TMEM117: variants seen among roughly 807,000 people sequenced by gnomAD.
TMEM117 encodes transmembrane protein 117.
In TMEM117, 27 loss-of-function variants were observed where a neutral mutation model predicts 52.4. That is an observed-to-expected ratio of 0.51 (90% CI 0.38 to 0.71). TMEM117 has a LOEUF of 0.71. TMEM117 is among the 30% of genes least tolerant of loss of function. TMEM117 has a pLI of 0.00. For synonymous variants in TMEM117, 215 were observed against 206.3 expected, an observed-to-expected ratio of 1.04 and a Z score of -0.36; for missense variants, 556 against 630.5, an observed-to-expected ratio of 0.88 and a Z score of 1.26.
chr12:44,232,653 A>G (rs1237254294), intron 5 of TMEM117, among the ~76,000 whole-genome samples: 1 of 151,476 alleles, frequency 6.6e-6, no homozygotes. Context: ...AATTTCGACT[A>G]CAATTTTATT....
rs540914279 is a variant in TMEM117, at chr12:44,256,057, TA to T, written c.609-43518del. Among the ~76,000 whole-genome samples, 109 of 152,066 alleles carry T rather than the reference TA, an allele frequency of 7.2e-4. 1 individual carries two copies. The Middle Eastern group carries it at 0.01, about 14-fold the overall frequency. On this transcript the variant is annotated intron_variant, in intron 5 of 7. Transcript: ENST00000266534. ...ATAAGTCATTTATAACTCATATTAC[TA>T]AAAACACTAGTTAGGAACATCATTT...
intron 3 of TMEM117, among the ~76,000 whole-genome samples, chr12:44,094,335 A>T (rs751974475): frequency 6.6e-6 from 1 of 152,080 alleles, no homozygotes; most frequent in Non-Finnish European, 1.5e-5. Flanking sequence ...AGCGGCATGC[A>T]TTTGGTAATT....
At chr12:44,041,961 C>T (rs1373427815) in intron 3 of TMEM117, among the ~76,000 whole-genome samples, 2 of 152,206 alleles carry the variant, frequency 1.3e-5, no homozygotes, top group East Asian at 1.9e-4. Context: ...ACTCTCATTA[C>T]TCCAATTCAG....
At chr12:43,797,104 G>A in the TMEM117 span, 11 of 1,581,572 alleles carry the variant, frequency 7.0e-6, no homozygotes, top group South Asian at 1.3e-4. Flanking sequence ...AAAACTGTAA[G>A]TTCAAATAAT....
chr12:44,099,343 A>T (rs1947824759), intron 3 of TMEM117, among the ~76,000 whole-genome samples: 1 of 152,030 alleles, frequency 6.6e-6, no homozygotes, highest in African/African-American at 2.4e-5. Context: ...GATCTCTGTG[A>T]TGTTTTGATT....
intron 3 of TMEM117, among the ~76,000 whole-genome samples, chr12:43,990,530 A>G (rs117392087): frequency 0.013 from 2,041 of 152,292 alleles, 19 homozygotes; most frequent in Non-Finnish European, 0.021. Context: ...GATTTTTTAT[A>G]TAACTTATGA....
chr12:43,845,997 A>G (rs570632626), intron 2 of TMEM117, among the ~76,000 whole-genome samples: 16 of 152,346 alleles, frequency 1.1e-4, no homozygotes, highest in African/African-American at 3.8e-4. Context: ...GAGAGTTTAT[A>G]AATCATAAAA....
At chr12:44,078,573 T>C (rs1004672452) in intron 3 of TMEM117, among the ~76,000 whole-genome samples, 1 of 152,208 alleles carries the variant, frequency 6.6e-6, no homozygotes, top group African/African-American at 2.4e-5. Context: ...CAACTTTCAG[T>C]ATATTCTGTT....
chr12:44,028,020 C>T (rs1448580195), intron 3 of TMEM117, among the ~76,000 whole-genome samples: 4 of 152,050 alleles, frequency 2.6e-5, no homozygotes, highest in East Asian at 1.9e-4. Flanking sequence ...GGTGAAACCC[C>T]GTCTCTACTA....
chr12:43,821,887 A>T, the TMEM117 span, among the ~76,000 whole-genome samples: 5 of 152,222 alleles, frequency 3.3e-5, no homozygotes, highest in Middle Eastern at 3.2e-3. Context: ...AAGCATTTTT[A>T]AAAAAGTATT....
intron 3 of TMEM117, among the ~76,000 whole-genome samples, chr12:44,015,360 T>C (rs1946358071): frequency 6.6e-6 from 1 of 152,208 alleles, no homozygotes; most frequent in African/African-American, 2.4e-5. Context: ...TCAGTGATTT[T>C]TGAATATATA....
chr12:44,204,782 G>C (rs981740276), intron 4 of TMEM117, among the ~76,000 whole-genome samples: 13 of 152,106 alleles, frequency 8.5e-5, no homozygotes, highest in Non-Finnish European at 1.8e-4. Flanking sequence ...CAACAAAGTT[G>C]ATAATAACAA....
intron 3 of TMEM117, among the ~76,000 whole-genome samples, chr12:43,996,786 T>C (rs1946038306): frequency 6.6e-6 from 1 of 152,174 alleles, no homozygotes; most frequent in African/African-American, 2.4e-5. Context: ...TGGCAGTCTT[T>C]AGTCGGATCA....
the TMEM117 span, among the ~76,000 whole-genome samples, chr12:43,823,053 A>G: frequency 6.6e-6 from 1 of 152,214 alleles, no homozygotes; most frequent in Non-Finnish European, 1.5e-5. Context: ...AGAGGGTATG[A>G]TGATACTTTT....
intron 3 of TMEM117, chr12:44,009,907 G>C: frequency 3.7e-6 from 1 of 273,214 alleles, no homozygotes; most frequent in Non-Finnish European, 7.6e-6. Flanking sequence ...TGGATCTCTG[G>C]CCTCAATCAC....
At chr12:44,223,136 T>C (rs1409293114) in intron 5 of TMEM117, among the ~76,000 whole-genome samples, 1 of 152,040 alleles carries the variant, frequency 6.6e-6, no homozygotes, top group Non-Finnish European at 1.5e-5. Flanking sequence ...GTACAGATTA[T>C]TTCAGTCACC....
chr12:44,164,330 C>A (rs575964737), intron 4 of TMEM117, among the ~76,000 whole-genome samples: 1 of 151,998 alleles, frequency 6.6e-6, no homozygotes, highest in South Asian at 2.1e-4. Context: ...ACACTGTACC[C>A]AATATGTAGT....
intron 2 of TMEM117, among the ~76,000 whole-genome samples, chr12:43,865,563 G>A (rs919290892): frequency 6.6e-6 from 1 of 151,996 alleles, no homozygotes; most frequent in Non-Finnish European, 1.5e-5. Flanking sequence ...CGGGCGTGGT[G>A]GTGCATGTCT....
chr12:43,993,377 A>G (rs936255992), intron 3 of TMEM117, among the ~76,000 whole-genome samples: 5 of 152,206 alleles, frequency 3.3e-5, no homozygotes, highest in Non-Finnish European at 7.3e-5. Context: ...TGTTTGTTAC[A>G]CTTATCATTA....
Sources: allele counts gnomAD v4.1 joint callset (sites outside exome capture counted in the v4.1 genomes callset), GRCh38; gene constraint gnomAD v4.1.1; transcripts MANE v1.5; gene names NCBI Gene and HGNC (gene_info 2026-07-23, HGNC 2026-07-21).